Variants in MYRIP observed in about 807,000 individuals in gnomAD.
The protein encoded by MYRIP is myosin VIIA and Rab interacting protein.
A neutral mutation model predicts 98.0 loss-of-function variants in MYRIP; 49 were observed. That is an observed-to-expected ratio of 0.50 (90% confidence interval 0.40 to 0.63). The LOEUF is 0.63. Among genes scored for constraint, MYRIP ranks in the 30% least tolerant of loss-of-function variants. The probability of loss-of-function intolerance (pLI) is 0.00; values close to 1 mark genes in which losing one functional copy is unlikely to be tolerated. For missense variants in MYRIP, 1,004 were observed against 1,058.2 expected (o/e 0.95, Z 0.71); for synonymous variants, 404 against 409.5 (o/e 0.99, Z 0.16).
intron 10 of MYRIP, among the ~76,000 whole-genome samples, chr3:40,196,967 CCTT>C (rs1261483632): frequency 1.3e-5 from 2 of 152,174 alleles, no homozygotes; most frequent in East Asian, 3.8e-4. Flanking sequence ...AAGCAGGAGT[CCTT>C]TCTCACATTC....
chr3:39,930,660 C>T (rs1453806409), intron 2 of MYRIP, among the ~76,000 whole-genome samples: 1 of 151,976 alleles, frequency 6.6e-6, no homozygotes, highest in African/African-American at 2.4e-5. Flanking sequence ...AAATTTATCT[C>T]TTAAATTGAG....
chr3:39,969,567 C>T (rs1427864201), intron 2 of MYRIP, among the ~76,000 whole-genome samples: 1 of 152,016 alleles, frequency 6.6e-6, no homozygotes, highest in Non-Finnish European at 1.5e-5. Context: ...TTTTCTGGGT[C>T]TATTGAGATA....
chr3:39,915,579 G>A (rs2125684949), intron 2 of MYRIP, among the ~76,000 whole-genome samples: 1 of 152,032 alleles, frequency 6.6e-6, no homozygotes, highest in South Asian at 2.1e-4. Flanking sequence ...ACTAAAAGCA[G>A]TATCTTTTAA....
intron 10 of MYRIP, among the ~76,000 whole-genome samples, chr3:40,193,626 A>C (rs986758196): frequency 2.0e-5 from 3 of 152,174 alleles, no homozygotes; most frequent in Admixed American, 2.0e-4. Flanking sequence ...TTAATTTTAA[A>C]ATAGACTTGC....
At chr3:40,242,677 G>A (rs892097414) in intron 12 of MYRIP, among the ~76,000 whole-genome samples, 2 of 151,968 alleles carry the variant, frequency 1.3e-5, no homozygotes, top group African/African-American at 2.4e-5. Flanking sequence ...AAATTATTTC[G>A]TTTCACTTAA....
rs563603786 is a variant in MYRIP at position 40,187,519 on chromosome 3, G to A, written c.1028-2307G>A. Among the ~76,000 whole-genome samples, 20 of 152,328 alleles carry A rather than the reference G, an allele frequency of 1.3e-4. 1 individual carries two copies. In the South Asian group the frequency reaches 3.7e-3, roughly 28 times the overall value. On this transcript the variant is annotated intron_variant, in intron 9 of 16. Coordinates refer to ENST00000302541, the MANE Select transcript of MYRIP (RefSeq NM_015460.4). ...TCGTGCAGTCCTCTGACAACCCAGT[G>A]AGGTTTTAGCTATGCCCTTTTTCAC...
intron 2 of MYRIP, among the ~76,000 whole-genome samples, chr3:39,931,098 G>C (rs1417076134): frequency 3.9e-5 from 6 of 152,012 alleles, no homozygotes; most frequent in Non-Finnish European, 8.8e-5. Context: ...GATGGGGATT[G>C]TATCGAATCT....
chr3:40,228,382 TTTTC>T (rs1199966021), intron 11 of MYRIP, among the ~76,000 whole-genome samples: 33 of 152,248 alleles, frequency 2.2e-4, no homozygotes, highest in African/African-American at 6.8e-4. Context: ...AGATTCATTT[TTTTC>T]TTATAATTTT....
chr3:39,889,687 A>G (rs180938208), intron 1 of MYRIP, among the ~76,000 whole-genome samples: 1 of 152,166 alleles, frequency 6.6e-6, no homozygotes. Context: ...AATAATAATT[A>G]AAAAAAGACA....
intron 3 of MYRIP, among the ~76,000 whole-genome samples, chr3:40,048,795 A>G (rs1215992430): frequency 6.6e-6 from 1 of 152,156 alleles, no homozygotes; most frequent in African/African-American, 2.4e-5. Context: ...TTCATCTAAA[A>G]TTTTTAGCTT....
chr3:39,836,903 G>A (rs1315064982), intron 1 of MYRIP, among the ~76,000 whole-genome samples: 2 of 152,170 alleles, frequency 1.3e-5, no homozygotes, highest in African/African-American at 2.4e-5. Context: ...TGACCTCCCC[G>A]CCAGAGGGCC....
intron 1 of MYRIP, among the ~76,000 whole-genome samples, chr3:39,833,470 G>T (rs1258571718): frequency 6.6e-6 from 1 of 152,188 alleles, no homozygotes; most frequent in East Asian, 1.9e-4. Context: ...AGATGACAAA[G>T]AGATGGGATA....
intron 2 of MYRIP, among the ~76,000 whole-genome samples, chr3:39,989,709 C>T (rs1270074913): frequency 6.6e-6 from 1 of 152,348 alleles, no homozygotes; most frequent in Non-Finnish European, 1.5e-5. Flanking sequence ...CCTTGAGTCC[C>T]TGGCTGAAGT....
At chr3:39,985,065 G>C (rs1429056005) in intron 2 of MYRIP, among the ~76,000 whole-genome samples, 3 of 112,020 alleles carry the variant, frequency 2.7e-5, no homozygotes, top group Non-Finnish European at 5.3e-5. Flanking sequence ...CCCACTTTTT[G>C]ATGGGGTTTT....
chr3:39,848,319 C>T (rs1559495499), intron 1 of MYRIP, among the ~76,000 whole-genome samples: 1 of 152,292 alleles, frequency 6.6e-6, no homozygotes, highest in South Asian at 2.1e-4. Flanking sequence ...TGGAAAGGTA[C>T]TTTTTATTTT....
At chr3:40,151,401 T>A (rs1950116793) in intron 4 of MYRIP, among the ~76,000 whole-genome samples, 2 of 152,238 alleles carry the variant, frequency 1.3e-5, no homozygotes, top group South Asian at 4.1e-4. Flanking sequence ...CTAGAGCTTA[T>A]AAGTTAGAAG....
intron 11 of MYRIP, among the ~76,000 whole-genome samples, chr3:40,228,588 A>T (rs996424501): frequency 6.6e-6 from 1 of 152,150 alleles, no homozygotes; most frequent in African/African-American, 2.4e-5. Flanking sequence ...CTAAAGTGTG[A>T]GTACCAGTGT....
At chr3:39,867,094 G>A (rs1229640641) in intron 1 of MYRIP, among the ~76,000 whole-genome samples, 1 of 152,148 alleles carries the variant, frequency 6.6e-6, no homozygotes, top group Non-Finnish European at 1.5e-5. Context: ...AGTTTCTTCA[G>A]TAAGTGGTGT....
intron 3 of MYRIP, among the ~76,000 whole-genome samples, chr3:40,114,859 C>G (rs1949238544): frequency 6.6e-6 from 1 of 152,120 alleles, no homozygotes; most frequent in African/African-American, 2.4e-5. Context: ...ATGCATATGA[C>G]CTTTGAGCTA....
Sources: allele counts gnomAD v4.1 joint callset (sites outside exome capture counted in the v4.1 genomes callset), GRCh38; gene constraint gnomAD v4.1.1; transcripts MANE v1.5; gene names NCBI Gene and HGNC (gene_info 2026-07-23, HGNC 2026-07-21).